The following ANK2 variants were observed in gnomAD, a reference collection of about 807,000 sequenced individuals.
The protein encoded by ANK2 is ankyrin 2, also known as ankyrin-2.
In ANK2, 83 loss-of-function variants were observed where a neutral mutation model predicts 360.5. That is an observed-to-expected ratio of 0.23 (90% CI 0.19 to 0.28). The LOEUF is 0.28. Ranked by LOEUF, ANK2 falls within the 10% of genes least tolerant of loss-of-function variation. The pLI is 1.00. For synonymous variants in ANK2, 1,740 were observed against 1,759.5 expected (o/e 0.99, Z 0.28); for missense variants, 4,201 against 4,795.7 (o/e 0.88, Z 3.66).
chr4:112,753,303 A>AG, the ANK2 span, among the ~76,000 whole-genome samples: 3 of 152,254 alleles, frequency 2.0e-5, no homozygotes, highest in African/African-American at 7.2e-5. Context: ...AGCTGGATAC[A>AG]TATACAGCCA....
chr4:112,910,576 G>A (rs1360205596), intron 2 of ANK2, among the ~76,000 whole-genome samples: 1 of 152,164 alleles, frequency 6.6e-6, no homozygotes, highest in African/African-American at 2.4e-5. Flanking sequence ...TTCTGCAGAC[G>A]GATAAAAAGG....
intron 2 of ANK2, among the ~76,000 whole-genome samples, chr4:112,994,985 T>A (rs1190822234): frequency 6.6e-6 from 1 of 152,220 alleles, no homozygotes; most frequent in Non-Finnish European, 1.5e-5. Flanking sequence ...ATGTACCACA[T>A]TTTCTTTATC....
chr4:112,855,228 C>T (rs548082191), intron 1 of ANK2, among the ~76,000 whole-genome samples: 5 of 152,286 alleles, frequency 3.3e-5, no homozygotes, highest in South Asian at 2.1e-4. Flanking sequence ...GGGATCACCT[C>T]GACAGCAGCA....
chr4:113,251,046 T>C (rs2046077665), intron 10 of ANK2, among the ~76,000 whole-genome samples: 1 of 152,192 alleles, frequency 6.6e-6, no homozygotes, highest in Non-Finnish European at 1.5e-5. Flanking sequence ...AGATCTGTCT[T>C]TAAAATGCAA....
chr4:112,985,883 G>A (rs2044677754), intron 2 of ANK2, among the ~76,000 whole-genome samples: 1 of 151,748 alleles, frequency 6.6e-6, no homozygotes, highest in Non-Finnish European at 1.5e-5. Context: ...TGGGTGCAGT[G>A]TACACTGCTC....
chr4:113,265,682 A>T (rs2055570551), intron 14 of ANK2, among the ~76,000 whole-genome samples: 1 of 152,100 alleles, frequency 6.6e-6, no homozygotes, highest in African/African-American at 2.4e-5. Context: ...ACCTTCCTTT[A>T]CATTGAATAC....
chr4:113,354,214 C>T lies in ANK2; in HGVS notation c.5596C>T (p.His1866Tyr). 1 of 1,614,040 alleles carries T rather than the reference C, an allele frequency of 6.2e-7. No individual in the cohort carries two copies. Among genetic ancestry groups the T allele is most frequent in the Non-Finnish European group, 8.5e-7 (1 of 1,179,934 alleles). The change falls in exon 38 of 46, where the codon CAT becomes TAT. Residue 1866 changes from histidine to tyrosine, a missense_variant. Around this residue, in one of 4 missense-constraint regions of ANK2, gnomAD observed 2,642 missense variants for 2,714.5 expected, o/e 0.97. Transcript: ENST00000357077. ...GTCACCCTCTGCAAAAACGGAAAGA[C>T]ATTCACCTGCGTCATCATCGAGTAA... Reference protein sequence around the residue: ...PVSPSAKTERHSPASSSSKTE... With the variant: ...PVSPSAKTERYSPASSSSKTE...
At chr4:112,716,586 C>T in the ANK2 span, among the ~76,000 whole-genome samples, 9 of 152,048 alleles carry the variant, frequency 5.9e-5, no homozygotes, top group African/African-American at 1.2e-4. Context: ...ATGGGGGCCT[C>T]CTATATTGCC....
chr4:112,833,719 G>T (rs1378957995), intron 1 of ANK2, among the ~76,000 whole-genome samples: 2 of 152,164 alleles, frequency 1.3e-5, no homozygotes, highest in African/African-American at 4.8e-5. Context: ...TAGCCAGGAT[G>T]GTCTCGATCT....
chr4:112,839,393 A>C (rs1361816826), intron 1 of ANK2, among the ~76,000 whole-genome samples: 1 of 152,142 alleles, frequency 6.6e-6, no homozygotes, highest in East Asian at 1.9e-4. Flanking sequence ...TGGAGCATAC[A>C]CATATTTTAG....
At chr4:113,187,095 A>C (rs989750675) in intron 2 of ANK2, among the ~76,000 whole-genome samples, 1 of 152,100 alleles carries the variant, frequency 6.6e-6, no homozygotes, top group Non-Finnish European at 1.5e-5. Flanking sequence ...AAAAAAAAAA[A>C]AGAAAGCTCT....
In ANK2 at chr4:113,358,975, T is replaced by G; in HGVS notation, c.10357T>G (p.Cys3453Gly). The change falls in exon 38 of 46, where the codon TGC becomes GGC. Residue 3453 changes from cysteine to glycine, a missense_variant. Transcript: ENST00000357077. The stretch of plus-strand genomic sequence containing the variant: ...TAAGAGCAGAAGCACTACATCTTCC[T>G]GCAGGGGGGGCACGAGCCCCACAAA... ...PVKSRSTTSS[C>G]RGGTSPTKES... The G allele has an allele frequency of 6.2e-7, 1 of 1,614,074 alleles. No individual in the cohort carries two copies. Among genetic ancestry groups the G allele is most frequent in the Non-Finnish European group, 8.5e-7 (1 of 1,179,978 alleles).
intron 1 of ANK2, chr4:113,107,015 T>C: frequency 2.1e-6 from 1 of 471,992 alleles, no homozygotes; most frequent in Admixed American, 2.4e-5. Context: ...GATTGTTCTT[T>C]GTTGTGTTTT....
At chr4:112,947,027 A>C (rs77023571) in intron 2 of ANK2, among the ~76,000 whole-genome samples, 7,715 of 152,276 alleles carry the variant, frequency 0.051, 554 homozygotes, top group East Asian at 0.3. Context: ...ATGCAGAAAC[A>C]ACAAATCAGT....
At chr4:112,939,368 G>A (rs2094014914) in intron 2 of ANK2, among the ~76,000 whole-genome samples, 1 of 152,170 alleles carries the variant, frequency 6.6e-6, no homozygotes, top group African/African-American at 2.4e-5. Flanking sequence ...GGAGTGCAGT[G>A]GTGTGATCTC....
intron 1 of ANK2, among the ~76,000 whole-genome samples, chr4:113,123,243 CAAACTT>C (rs1329685165): frequency 7.3e-5 from 11 of 151,682 alleles, no homozygotes; most frequent in African/African-American, 2.7e-4. Context: ...CCTTTATTAT[CAAACTT>C]AATTTTATTA....
chr4:112,821,922 C>A (rs1579021771), intron 1 of ANK2, among the ~76,000 whole-genome samples: 1 of 151,896 alleles, frequency 6.6e-6, no homozygotes, highest in Admixed American at 6.6e-5. Flanking sequence ...TGTGTGCCAC[C>A]ACGCCCAGCT....
At chr4:113,010,994 A>T (rs1387339543) in intron 2 of ANK2, among the ~76,000 whole-genome samples, 6 of 152,150 alleles carry the variant, frequency 3.9e-5, no homozygotes, top group African/African-American at 1.4e-4. Context: ...TGAGAAAATG[A>T]CTATGACTAG....
chr4:113,237,184 T>C lies in ANK2; in HGVS notation c.669+12T>C. On this transcript the variant is annotated intron_variant, in intron 6 of 45. Coordinates refer to ENST00000357077, the MANE Select transcript of ANK2 (RefSeq NM_001148.6). ...ACGTACAATCCAAGGTACTTAAAGC[T>C]GAACACATTTGTGGAAAGGAACTCT... is the stretch of plus-strand genomic sequence containing the variant. 2.5e-6 allele frequency: 4 copies of C among 1,611,768 alleles called. No individual in the cohort carries two copies. The highest frequency in any genetic ancestry group is 3.4e-6 in the Non-Finnish European group (4 of 1,178,154).
Sources: allele counts gnomAD v4.1 joint callset (sites outside exome capture counted in the v4.1 genomes callset), GRCh38; gene constraint gnomAD v4.1.1; regional missense constraint gnomAD v4.1.1; transcripts MANE v1.5; gene names NCBI Gene and HGNC (gene_info 2026-07-23, HGNC 2026-07-21).